The following DAB1 variants were observed in gnomAD, a reference collection of about 807,000 sequenced individuals.
DAB1 encodes disabled homolog 1.
In DAB1, 15 loss-of-function variants were observed where a neutral mutation model predicts 64.6. The ratio of observed to expected loss-of-function variants is 0.23; its 90% CI spans 0.16 to 0.36. The LOEUF (loss-of-function observed/expected upper bound fraction) is 0.36, where lower values mean the gene tolerates loss of function less well. DAB1 is among the 10% of genes least tolerant of loss of function. The probability of loss-of-function intolerance (pLI) is 1.00; values close to 1 mark genes in which losing one functional copy is unlikely to be tolerated. For missense variants in DAB1, 596 were observed against 706.7 expected (o/e 0.84, Z 1.78); for synonymous variants, 235 against 251.9 (o/e 0.93, Z 0.64).
downstream of DAB1, among the ~76,000 whole-genome samples, chr1:57,824,021 G>T (rs1363739823): frequency 6.6e-6 from 1 of 152,198 alleles, no homozygotes; most frequent in Non-Finnish European, 1.5e-5. Flanking sequence ...TGCTGCTGAT[G>T]ATAATAATCA....
chr1:58,033,857 A>G (rs1227222619), intron 5 of DAB1, among the ~76,000 whole-genome samples: 1 of 152,198 alleles, frequency 6.6e-6, no homozygotes, highest in African/African-American at 2.4e-5. Flanking sequence ...TATTCCAGTT[A>G]CACTAGGACA....
chr1:58,497,256 A>G (rs115378697), intron 3 of DAB1, among the ~76,000 whole-genome samples: 3 of 152,304 alleles, frequency 2.0e-5, no homozygotes, highest in South Asian at 2.1e-4. Context: ...GTACTGTCCT[A>G]AAGTCAAAAG....
chr1:57,830,803 C>A, intron 1 of DAB1, among the ~76,000 whole-genome samples: 1 of 152,118 alleles, frequency 6.6e-6, no homozygotes, highest in Non-Finnish European at 1.5e-5. Context: ...TTAGTAGTTG[C>A]TAGATGGAGA....
intron 3 of DAB1, among the ~76,000 whole-genome samples, chr1:58,356,998 C>T (rs1644117580): frequency 7.1e-6 from 1 of 141,642 alleles, no homozygotes; most frequent in African/African-American, 2.6e-5. Flanking sequence ...TTCACTCCAT[C>T]CTGGGCAACA....
intron 4 of DAB1, among the ~76,000 whole-genome samples, chr1:58,300,649 GAAGGAAGGAAGGA>G (rs1662143791): frequency 2.0e-5 from 1 of 49,282 alleles, no homozygotes; most frequent in African/African-American, 8.0e-5. Flanking sequence ...AGAGAGAGAG[GAAGGAAGGAAGGA>G]AGGAAGGAAG....
At chr1:58,226,344 GT>G (rs144121265) in intron 4 of DAB1, among the ~76,000 whole-genome samples, 2,712 of 151,188 alleles carry the variant, frequency 0.018, 75 homozygotes, top group African/African-American at 0.062. Context: ...TATGGCACTA[GT>G]TTTTTTTCAG....
chr1:57,555,954 A>G (rs1156759975), intron 7 of DAB1, among the ~76,000 whole-genome samples: 2 of 152,150 alleles, frequency 1.3e-5, no homozygotes, highest in East Asian at 1.9e-4. Flanking sequence ...GGTTTGTTCT[A>G]CCTGCTACTT....
At chr1:57,856,207 G>A (rs551275946) in intron 1 of DAB1, among the ~76,000 whole-genome samples, 1 of 152,218 alleles carries the variant, frequency 6.6e-6, no homozygotes, top group South Asian at 2.1e-4. Flanking sequence ...TGCTTCACAA[G>A]AGTCTGAGGA....
chr1:57,356,739 T>G (rs1679138813), intron 1 of DAB1, among the ~76,000 whole-genome samples: 1 of 152,094 alleles, frequency 6.6e-6, no homozygotes, highest in African/African-American at 2.4e-5. Flanking sequence ...ATGAAGGTCC[T>G]AAAGCCATGT....
At chr1:57,473,387 C>A (rs1687210180) in intron 7 of DAB1, among the ~76,000 whole-genome samples, 1 of 152,138 alleles carries the variant, frequency 6.6e-6, no homozygotes, top group African/African-American at 2.4e-5. Flanking sequence ...TTGAGATGTT[C>A]CCCGCTGCAG....
chr1:57,850,354 C>T (rs1036501716), intron 1 of DAB1, among the ~76,000 whole-genome samples: 3 of 151,926 alleles, frequency 2.0e-5, no homozygotes, highest in Non-Finnish European at 2.9e-5. Flanking sequence ...GTAAAGAAAG[C>T]GAGGCTCAGA....
chr1:57,239,463 T>C (rs1668345003), intron 2 of DAB1, among the ~76,000 whole-genome samples: 1 of 152,184 alleles, frequency 6.6e-6, no homozygotes, highest in African/African-American at 2.4e-5. Context: ...GCCTGGCAAA[T>C]GGCATATGAC....
At chr1:57,834,883 A>C (rs1652743043) in intron 1 of DAB1, among the ~76,000 whole-genome samples, 1 of 152,168 alleles carries the variant, frequency 6.6e-6, no homozygotes, top group African/African-American at 2.4e-5. Context: ...TATTTCAGGG[A>C]ACAGGATAAC....
chr1:57,583,135 T>A (rs1645333664), intron 7 of DAB1, among the ~76,000 whole-genome samples: 1 of 152,208 alleles, frequency 6.6e-6, no homozygotes, highest in Non-Finnish European at 1.5e-5. Context: ...GTTCTAGTTA[T>A]GTTTACATAA....
chr1:57,357,615 G>T, intron 1 of DAB1, among the ~76,000 whole-genome samples: 1 of 147,058 alleles, frequency 6.8e-6, no homozygotes, highest in Non-Finnish European at 1.5e-5. Context: ...TTGTCATGCT[G>T]CTACGAAGAA....
At chr1:58,160,741 C>A (rs1394717083) in intron 4 of DAB1, among the ~76,000 whole-genome samples, 1 of 148,812 alleles carries the variant, frequency 6.7e-6, no homozygotes, top group African/African-American at 2.6e-5. Context: ...ATTTTGGGTA[C>A]AATTTTGGGT....
chr1:58,057,120 CCT>C (rs1218094461), intron 5 of DAB1, among the ~76,000 whole-genome samples: 1 of 152,112 alleles, frequency 6.6e-6, no homozygotes, highest in Non-Finnish European at 1.5e-5. Flanking sequence ...CCTGATTCTC[CCT>C]CTTTCAAAGG....
At chr1:58,149,613 C>A (rs1288546730) in intron 5 of DAB1, among the ~76,000 whole-genome samples, 3 of 152,128 alleles carry the variant, frequency 2.0e-5, no homozygotes, top group African/African-American at 7.2e-5. Flanking sequence ...AAACAGTTCC[C>A]CAGGGCAAAA....
At chr1:57,199,610 C>T (rs905641458) in intron 2 of DAB1, among the ~76,000 whole-genome samples, 28 of 152,338 alleles carry the variant, frequency 1.8e-4, no homozygotes, top group African/African-American at 6.5e-4. Context: ...ACAGGGAAAT[C>T]ACGGATCATC....
Sources: gnomAD v4.1 joint callset for allele counts (sites outside exome capture counted in the v4.1 genomes callset) on GRCh38, gnomAD v4.1.1 for gene constraint, MANE v1.5 for transcripts, NCBI Gene and HGNC (gene_info 2026-07-23, HGNC 2026-07-21) for gene names.